TMEM132D: variants seen among roughly 807,000 people sequenced by gnomAD.
TMEM132D encodes mature OL transmembrane protein.
In TMEM132D, 21 loss-of-function variants were observed where a neutral mutation model predicts 62.3. The ratio of observed to expected loss-of-function variants is 0.34; its 90% CI spans 0.24 to 0.49. The LOEUF (loss-of-function observed/expected upper bound fraction) is 0.49, where lower values mean the gene tolerates loss of function less well. Ranked by LOEUF, TMEM132D falls within the 20% of genes least tolerant of loss-of-function variation. The pLI, the probability that TMEM132D is intolerant of heterozygous loss-of-function variation, is 0.99. For synonymous variants in TMEM132D, 621 were observed against 575.6 expected (o/e 1.08, Z -1.13); for missense variants, 1,346 against 1,402.8 (o/e 0.96, Z 0.65).
Position 129,700,444 on chromosome 12 carries a change from G to T in TMEM132D, c.334C>A (p.Leu112Ile), listed in dbSNP as rs143257185. The change falls in exon 2 of 9, where the codon CTA becomes ATA. Residue 112 changes from leucine to isoleucine, a missense_variant. Transcript: ENST00000422113. ...GTGAATCCAAATGGGTTGGAAGGTAGCATTAAATCCTGGGGCACCACTTGC... is the reference window on the plus strand; with the variant it reads ...GTGAATCCAAATGGGTTGGAAGGTATCATTAAATCCTGGGGCACCACTTGC... ...IEQVVPQDLMLPSNPFGFTNK... is the reference protein window; with the variant it reads ...IEQVVPQDLMIPSNPFGFTNK... 6.2e-7 allele frequency: 1 copy of T among 1,614,164 alleles called. No individual in the cohort carries two copies. The highest frequency in any genetic ancestry group is 2.2e-5 in the East Asian group (1 of 44,874).
chr12:129,248,835 C>T (rs1384520016), intron 4 of TMEM132D, among the ~76,000 whole-genome samples: 2 of 152,152 alleles, frequency 1.3e-5, no homozygotes, highest in South Asian at 2.1e-4. Context: ...ATAAGGATAA[C>T]GGCCTCCAGC....
At chr12:129,341,715 G>A (rs565263128) in intron 3 of TMEM132D, among the ~76,000 whole-genome samples, 1 of 152,264 alleles carries the variant, frequency 6.6e-6, no homozygotes, top group South Asian at 2.1e-4. Context: ...GGAGATTTTG[G>A]GCTGAGACGA....
intron 5 of TMEM132D, among the ~76,000 whole-genome samples, chr12:129,092,780 A>G (rs1390542532): frequency 6.6e-6 from 1 of 152,198 alleles, no homozygotes; most frequent in Non-Finnish European, 1.5e-5. Context: ...AAGGTACTGT[A>G]CTGAATGTCA....
At chr12:129,511,057 C>T (rs6486478) in intron 3 of TMEM132D, among the ~76,000 whole-genome samples, 118,289 of 152,120 alleles carry the variant, frequency 0.78, 46,075 homozygotes, top group South Asian at 0.85. Flanking sequence ...ACATAAATAG[C>T]GCACCCATTT....
chr12:129,488,537 G>A (rs1874658772), intron 3 of TMEM132D, among the ~76,000 whole-genome samples: 4 of 152,124 alleles, frequency 2.6e-5, no homozygotes, highest in Admixed American at 1.3e-4. Context: ...AGCTGGGTGT[G>A]GTGGCATATG....
At chr12:129,636,594 T>C (rs1410237955) in intron 2 of TMEM132D, among the ~76,000 whole-genome samples, 1 of 152,136 alleles carries the variant, frequency 6.6e-6, no homozygotes, top group Non-Finnish European at 1.5e-5. Flanking sequence ...TAGAATTTTA[T>C]GTTTGGTCTA....
chr12:129,285,539 A>AAAAAAAAAAAAAAAAAAGAGAG (rs56018646), intron 4 of TMEM132D, among the ~76,000 whole-genome samples: 2 of 90,028 alleles, frequency 2.2e-5, no homozygotes, highest in African/African-American at 3.9e-5. Flanking sequence ...AAAAAAAAAA[A>AAAAAAAAAAAAAAAAAAGAGAG]AGAGAGAGAG....
intron 2 of TMEM132D, among the ~76,000 whole-genome samples, chr12:129,690,520 TAATA>T (rs1881039052): frequency 6.6e-6 from 1 of 152,066 alleles, no homozygotes; most frequent in African/African-American, 2.4e-5. Context: ...ATGCTAACGA[TAATA>T]AATAAAAGCT....
chr12:129,375,770 T>C (rs1870764583), intron 3 of TMEM132D, among the ~76,000 whole-genome samples: 1 of 152,178 alleles, frequency 6.6e-6, no homozygotes, highest in African/African-American at 2.4e-5. Flanking sequence ...AGATGTTACC[T>C]AGCATCAGGA....
chr12:129,873,052 C>G (rs1388457936), intron 1 of TMEM132D, among the ~76,000 whole-genome samples: 2 of 152,182 alleles, frequency 1.3e-5, no homozygotes, highest in Non-Finnish European at 2.9e-5. Context: ...AGACCCTGAG[C>G]AAGTCACGCG....
chr12:129,300,404 G>C (rs556408019), intron 4 of TMEM132D, among the ~76,000 whole-genome samples: 1 of 152,212 alleles, frequency 6.6e-6, no homozygotes, highest in Non-Finnish European at 1.5e-5. Context: ...GAAATGTGAC[G>C]ATGAATATCA....
intron 2 of TMEM132D, among the ~76,000 whole-genome samples, chr12:129,595,618 G>T (rs933606777): frequency 6.6e-6 from 1 of 152,232 alleles, no homozygotes; most frequent in African/African-American, 2.4e-5. Flanking sequence ...CTCTAAGCTG[G>T]TTCCCAAGCA....
At chr12:129,702,540 C>T (rs1307908462) in intron 1 of TMEM132D, among the ~76,000 whole-genome samples, 2 of 152,222 alleles carry the variant, frequency 1.3e-5, no homozygotes, top group Non-Finnish European at 2.9e-5. Flanking sequence ...TCTGTGACCT[C>T]TCTGGCTGCA....
At chr12:129,610,297 GAGAC>G (rs1304666493) in intron 2 of TMEM132D, among the ~76,000 whole-genome samples, 13 of 149,276 alleles carry the variant, frequency 8.7e-5, no homozygotes, top group South Asian at 2.1e-4. Flanking sequence ...AAAAAAAAGA[GAGAC>G]AGAGAGAGAG....
Position 129,199,359 on chromosome 12 carries a change from C to T in TMEM132D, c.1443+10161G>A, listed in dbSNP as rs542933633. On this transcript the variant is annotated intron_variant, in intron 5 of 8. Transcript: ENST00000422113. ...TCATGTGATCCACCCATCTTGGCCT[C>T]CCAAATTGTTGGGATTACAGGTGTG... 3.3e-5 allele frequency among the ~76,000 whole-genome samples: 5 copies of T among 152,250 alleles called. No homozygotes were observed. The South Asian group carries it at 1.0e-3, about 32-fold the overall frequency.
chr12:129,764,169 G>A (rs1262701025), intron 1 of TMEM132D, among the ~76,000 whole-genome samples: 1 of 152,126 alleles, frequency 6.6e-6, no homozygotes, highest in Non-Finnish European at 1.5e-5. Context: ...CAACATTGCT[G>A]CTTTTAGAAA....
At chr12:129,889,202 A>G (rs1206175188) in intron 1 of TMEM132D, among the ~76,000 whole-genome samples, 1 of 152,144 alleles carries the variant, frequency 6.6e-6, no homozygotes, top group Admixed American at 6.5e-5. Flanking sequence ...TTTTGTCCCC[A>G]GAATCTCAGT....
At chr12:129,188,526 T>G (rs2135554664) in intron 5 of TMEM132D, among the ~76,000 whole-genome samples, 1 of 152,344 alleles carries the variant, frequency 6.6e-6, no homozygotes, top group Admixed American at 6.5e-5. Flanking sequence ...GCATGCTGGC[T>G]TCATGTGCTC....
At chr12:129,706,259 T>C (rs1225107122) in intron 1 of TMEM132D, among the ~76,000 whole-genome samples, 1 of 151,910 alleles carries the variant, frequency 6.6e-6, no homozygotes, top group African/African-American at 2.4e-5. Flanking sequence ...CTTAAATAAG[T>C]TGACTGAGGT....
Sources: gnomAD v4.1 joint callset for allele counts (sites outside exome capture counted in the v4.1 genomes callset) on GRCh38, gnomAD v4.1.1 for gene constraint, MANE v1.5 for transcripts, NCBI Gene and HGNC (gene_info 2026-07-23, HGNC 2026-07-21) for gene names.